The following BMS1 variants were observed in gnomAD, a reference collection of about 807,000 sequenced individuals.
BMS1 encodes the protein BMS1 ribosome biogenesis factor, also known as ribosome biogenesis protein BMS1 homolog.
In BMS1, 53 loss-of-function variants were observed where a neutral mutation model predicts 138.7. The observed-to-expected ratio is 0.38, with a 90% CI of 0.31 to 0.48. The LOEUF (loss-of-function observed/expected upper bound fraction) is 0.48. Ranked by LOEUF, BMS1 falls within the 20% of genes least tolerant of loss-of-function variation. The probability of loss-of-function intolerance (pLI) is 0.97; values close to 1 mark genes in which losing one functional copy is unlikely to be tolerated. For synonymous variants in BMS1, 504 were observed against 539.9 expected (o/e 0.93, Z 0.92); for missense variants, 1,360 against 1,565.5 (o/e 0.87, Z 2.22).
intron 9 of BMS1, 124 bp from the exon 10 acceptor site, chr10:42,796,350 A>G (rs772724492): frequency 3.5e-6 from 4 of 1,152,086 alleles, no homozygotes; most frequent in South Asian, 1.7e-5. Context: ...TCCCTATGCT[A>G]TGTCATCTTA....
In BMS1 at chr10:42,816,640, G is replaced by A. The variant is rs776754297; in HGVS notation, c.2371G>A (p.Val791Met). The change falls in exon 14 of 23, where the codon GTG (valine) becomes ATG (methionine). Residue 791 changes from valine to methionine, a missense_variant. Physicochemically the swap from Val to Met is conservative, Grantham distance 21. This residue lies in a region of BMS1 where 697 missense variants were observed against 686.2 expected (regional missense o/e 1.02). Coordinates refer to ENST00000374518, the MANE Select transcript of BMS1 (RefSeq NM_014753.4). ...CTTTGAAGACTTGGAAACAGGGGACGTGCACAAGGGAAAATCAGGCCCCAA... is the reference window on the plus strand; with the variant it reads ...CTTTGAAGACTTGGAAACAGGGGACATGCACAAGGGAAAATCAGGCCCCAA... ...GDFEDLETGD[V>M]HKGKSGPNTQ... 10 of 1,611,550 alleles carry A rather than the reference G, an allele frequency of 6.2e-6. No homozygotes were observed. Among genetic ancestry groups the A allele is most frequent in the Middle Eastern group, 2.3e-4 (1 of 4,424 alleles).
intron 13 of BMS1, among the ~76,000 whole-genome samples, chr10:42,811,979 T>G (rs1842198678): frequency 6.6e-6 from 1 of 152,368 alleles, no homozygotes; most frequent in African/African-American, 2.4e-5. Flanking sequence ...TGAGAACATA[T>G]TCTTATGAGT....
intron 22 of BMS1, 35 bp downstream of exon 22, chr10:42,830,457 T>G (rs1361774020): frequency 6.4e-7 from 1 of 1,572,520 alleles, no homozygotes; most frequent in Admixed American, 2.1e-5. Context: ...ACGCTGCGTT[T>G]AGATAGGAAA....
At position 42,786,581 on chromosome 10, in the gene BMS1, T is replaced by C. The variant is rs1278244281; in HGVS notation, c.368-587T>C. Among the ~76,000 whole-genome samples the C allele has an allele frequency of 3.3e-5, 5 of 151,434 alleles. No individual in the cohort carries two copies. In the East Asian group the frequency reaches 9.6e-4, roughly 29 times the overall value. On this transcript the variant is annotated intron_variant, in intron 3 of 22. Transcript: ENST00000374518. ...GCCACCACGCCTGGCTAATTTTTCT[T>C]TTTTTTCCTTTTTTTTTTTTTTCTG...
chr10:42,803,467 T>C (rs750808678), intron 13 of BMS1, among the ~76,000 whole-genome samples: 8 of 152,010 alleles, frequency 5.3e-5, no homozygotes, highest in Non-Finnish European at 8.8e-5. Context: ...TCTTTATATA[T>C]ATATAATTTT....
intron 9 of BMS1, among the ~76,000 whole-genome samples, chr10:42,794,638 A>G (rs1004244957): frequency 1.3e-5 from 2 of 151,670 alleles, no homozygotes; most frequent in African/African-American, 4.9e-5. Flanking sequence ...TCACTCCTTT[A>G]TAATGGGATT....
chr10:42,796,238 G>A (rs1841678680), intron 9 of BMS1, among the ~76,000 whole-genome samples: 1 of 152,072 alleles, frequency 6.6e-6, no homozygotes, highest in Non-Finnish European at 1.5e-5. Flanking sequence ...TTTTTTAAGG[G>A]TTATTCCTTT....
intron 14 of BMS1, among the ~76,000 whole-genome samples, chr10:42,816,938 T>TA (rs1234276620): frequency 6.6e-6 from 1 of 152,246 alleles, no homozygotes; most frequent in Non-Finnish European, 1.5e-5. Flanking sequence ...TTCTTGGACT[T>TA]ACATTCAACC....
chr10:42,796,881 G>A lies in BMS1; in HGVS notation c.1637G>A (p.Gly546Asp), dbSNP rs773187685. The A allele has an allele frequency of 5.6e-6, 9 of 1,614,214 alleles. No homozygotes were observed. The Admixed American group carries it at 1.5e-4, about 27-fold the overall frequency. Residue 546 changes from glycine to aspartate, a missense_variant, in exon 10 of 23, where the codon GGT (glycine) becomes GAT (aspartate). Physicochemically the swap from Gly to Asp is moderately conservative, Grantham distance 94. Coordinates refer to ENST00000374518, the MANE Select transcript of BMS1 (RefSeq NM_014753.4). ...TCAGGATCAAAGGCTGCTGGAGAAG[G>A]TAGTAAAGCAGGGCTGTCACCAGCT... ...GISGSKAAGE[G>D]SKAGLSPANC...
chr10:42,809,174 G>T (rs1241958707), intron 13 of BMS1, among the ~76,000 whole-genome samples: 1 of 152,036 alleles, frequency 6.6e-6, no homozygotes, highest in Non-Finnish European at 1.5e-5. Flanking sequence ...TCTTTCATCA[G>T]TATTATGATT....
intron 15 of BMS1, among the ~76,000 whole-genome samples, chr10:42,817,818 T>C (rs1191142596): frequency 1.3e-5 from 2 of 152,226 alleles, no homozygotes; most frequent in African/African-American, 4.8e-5. Flanking sequence ...TTCATTTCAG[T>C]GCAAGCATTG....
intron 13 of BMS1, among the ~76,000 whole-genome samples, chr10:42,805,918 G>C (rs1395465433): frequency 6.6e-6 from 1 of 152,076 alleles, no homozygotes; most frequent in African/African-American, 2.4e-5. Flanking sequence ...TCATGCCCCA[G>C]CCTCGTGAGT....
At chr10:42,814,678 G>C (rs1842287060) in intron 13 of BMS1, among the ~76,000 whole-genome samples, 1 of 152,168 alleles carries the variant, frequency 6.6e-6, no homozygotes, top group African/African-American at 2.4e-5. Context: ...TTTAATTTCA[G>C]AGCCTTCATG....
In BMS1 at chr10:42,797,136, C is replaced by T. The variant is rs761006102; in HGVS notation, c.1892C>T (p.Pro631Leu). The change falls in exon 10 of 23, where the codon CCA becomes CTA. Residue 631 changes from proline (P) to leucine (L), a missense_variant. By Grantham distance (98) the Pro-to-Leu change is moderately conservative. Coordinates refer to ENST00000374518, the MANE Select transcript of BMS1 (RefSeq NM_014753.4). The stretch of plus-strand genomic sequence containing the variant: ...GTGAGCAGTGGTCAGAAACTGGGGC[C>T]ACAGAACTTCATTGATGAGACCAGT... ...SQVSSGQKLG[P>L]QNFIDETSDI... 39 of 1,613,998 alleles carry T rather than the reference C, an allele frequency of 2.4e-5. No homozygotes were observed. In the East Asian group the frequency reaches 4.5e-4, roughly 18 times the overall value.
In BMS1 at chr10:42,796,967, C is replaced by T. The variant is rs1407081439; in HGVS notation, c.1723C>T (p.Pro575Ser). ...TTTGCTGATGAAGAAAGCAGCTCTCCCCACTTTCGATTCTGGGCATTGCAC... is the reference window on the plus strand; with the variant it reads ...TTTGCTGATGAAGAAAGCAGCTCTCTCCACTTTCGATTCTGGGCATTGCAC... ...KSLLMKKAAL[P>S]TFDSGHCTAE... The change falls in exon 10 of 23, where the codon CCC (proline) becomes TCC (serine). Residue 575 changes from proline to serine, a missense_variant. By Grantham distance (74) the Pro-to-Ser change is moderately conservative (BLOSUM62 -1). Around this residue, in one of 3 missense-constraint regions of BMS1, gnomAD observed 697 missense variants for 686.2 expected, o/e 1.02. Transcript: ENST00000374518. 1 of 1,614,120 alleles carries T rather than the reference C, an allele frequency of 6.2e-7. No homozygotes were observed. The highest frequency in any genetic ancestry group is 1.1e-5 in the South Asian group (1 of 91,072).
intron 22 of BMS1, 77 bp downstream of exon 22, chr10:42,830,499 T>C: frequency 1.3e-6 from 2 of 1,518,290 alleles, no homozygotes; most frequent in South Asian, 2.6e-5. Context: ...TTCCTGTTTC[T>C]ACTGTAGTCT....
chr10:42,790,184 T>G (rs1841456436), intron 4 of BMS1, 139 bp from the exon 5 acceptor site: 2 of 763,102 alleles, frequency 2.6e-6, no homozygotes, highest in East Asian at 2.5e-5. Context: ...GTAAATGAAT[T>G]AATGTGGCTA....
At chr10:42,802,013 G>A in intron 12 of BMS1, 124 bp from the exon 13 acceptor site, 1 of 642,514 alleles carries the variant, frequency 1.6e-6, no homozygotes. Flanking sequence ...GGGCTCATTT[G>A]GAATGAGAAT....
At chr10:42,821,122 C>A in intron 18 of BMS1, 130 bp downstream of exon 18, 1 of 785,330 alleles carries the variant, frequency 1.3e-6, no homozygotes, top group Admixed American at 2.3e-5. Flanking sequence ...TTTCCCTTTG[C>A]TTTTAATCTT....
Sources: gnomAD v4.1 joint callset for allele counts (sites outside exome capture counted in the v4.1 genomes callset) on GRCh38, gnomAD v4.1.1 for gene constraint, gnomAD v4.1.1 regional missense constraint, MANE v1.5 for transcripts, NCBI Gene and HGNC (gene_info 2026-07-23, HGNC 2026-07-21) for gene names.